Variants in CUL9 observed in about 807,000 individuals in gnomAD.
CUL9 encodes the protein cullin-9.
CUL9 carries 79 observed loss-of-function variants against 272.6 expected under a neutral mutation model. That is an observed-to-expected ratio of 0.29 (90% CI 0.24 to 0.35). CUL9 has a LOEUF of 0.35. Ranked by LOEUF, CUL9 falls within the 10% of genes least tolerant of loss-of-function variation. The pLI, the probability that CUL9 is intolerant of heterozygous loss-of-function variation, is 1.00. For missense variants in CUL9, 2,532 were observed against 3,255.6 expected (o/e 0.78, Z 5.41); for synonymous variants, 1,186 against 1,286.5 (o/e 0.92, Z 1.67).
rs765597340 is a variant in CUL9 at position 43,222,398 on chromosome 6, G to A, written c.6921+8G>A. ...TTCCATCACCAGGCGCGGGTGAGTC[G>A]GGAGGAAACAGCGGGTAGATGCCTG... On this transcript the variant is annotated splice_region_variant and intron_variant, in intron 36 of 40. Coordinates refer to ENST00000252050, the MANE Select transcript of CUL9 (RefSeq NM_015089.4). 5 of 1,613,588 alleles carry A rather than the reference G, an allele frequency of 3.1e-6. No individual in the cohort carries two copies. The highest frequency in any genetic ancestry group is 2.2e-5 in the East Asian group (1 of 44,870).
At chr6:43,222,461 G>GGGGGGGGGGGGGGGGGGGGGTGGC in intron 36 of CUL9, 70 bp from the exon 37 acceptor site, 1 of 1,343,772 alleles carries the variant, frequency 7.4e-7, no homozygotes, top group Non-Finnish European at 1.1e-6. Context: ...AGGGGGGTGG[G>GGGGGGGGGGGGGGGGGGGGGTGGC]CTGAAGGTCT....
In CUL9 at chr6:43,203,842, G is replaced by T. The variant is rs770015985; in HGVS notation, c.4026-12G>T. ...TGCCATTAATCCTCCGCCATGCACTGTTTGTTCCCAGACTGAACAGGGTTT... is the reference window on the plus strand; with the variant it reads ...TGCCATTAATCCTCCGCCATGCACTTTTTGTTCCCAGACTGAACAGGGTTT... On this transcript the variant is annotated splice_polypyrimidine_tract_variant and intron_variant, in intron 19 of 40. Coordinates refer to ENST00000252050, the MANE Select transcript of CUL9 (RefSeq NM_015089.4). This position sits in a 1 kb window ranked among gnomAD's most constrained non-coding sequence, Gnocchi z 5.0. 19 of 1,602,522 alleles carry T rather than the reference G, an allele frequency of 1.2e-5. No individual in the cohort carries two copies. The South Asian group carries it at 2.1e-4, about 18-fold the overall frequency.
rs780432976 is a variant in CUL9 at position 43,184,968 on chromosome 6, G to C, written c.595+63G>C. The C allele has an allele frequency of 2.0e-5, 26 of 1,280,162 alleles. No individual in the cohort carries two copies. Among genetic ancestry groups the C allele is most frequent in the Non-Finnish European group, 2.6e-5 (24 of 936,168 alleles). The allele number at this position is 1,280,162 out of a possible 1,614,324, so 79.3% of individuals were successfully genotyped here. On this transcript the variant is annotated intron_variant, in intron 2 of 40. Coordinates refer to ENST00000252050, the MANE Select transcript of CUL9 (RefSeq NM_015089.4). This position sits in a 1 kb window ranked among gnomAD's most constrained non-coding sequence, Gnocchi z 4.8. The stretch of plus-strand genomic sequence containing the variant: ...AAATGGGGCCACAGGGAATAAGAAA[G>C]AGGAGAGATTTCCTAGCTCTGTAAG...
At chr6:43,183,713 C>T (rs55712149) in intron 1 of CUL9, among the ~76,000 whole-genome samples, 41,059 of 148,568 alleles carry the variant, frequency 0.28, 7,780 homozygotes, top group African/African-American at 0.55. Context: ...TTTCTTCCTT[C>T]CTTCCTTCCT....
At chr6:43,192,598 C>A (rs964869095) in intron 8 of CUL9, among the ~76,000 whole-genome samples, 4 of 152,172 alleles carry the variant, frequency 2.6e-5, no homozygotes, top group Non-Finnish European at 5.9e-5. Flanking sequence ...ATCACGTAAA[C>A]CCAGGAGGCA....
At chr6:43,202,880 C>T in intron 17 of CUL9, 59 bp downstream of exon 17, 2 of 1,519,394 alleles carry the variant, frequency 1.3e-6, no homozygotes, top group Non-Finnish European at 1.8e-6. Flanking sequence ...GTCCCAGTGC[C>T]TGTGGGAAGG....
In CUL9 at chr6:43,191,252, T is replaced by TTGTGTGTGTGTGTGTGTG. The variant is rs58122260; in HGVS notation, c.2181-1726_2181-1709dup. Among the ~76,000 whole-genome samples the TTGTGTGTGTGTGTGTGTG allele has an allele frequency of 1.0e-4, 13 of 127,026 alleles. 1 individual carries two copies. The highest frequency in any genetic ancestry group is 4.2e-4 in the African/African-American group (13 of 31,318). The allele number at this position is 127,026 out of a possible 152,430, so 83.3% of individuals were successfully genotyped here. On this transcript the variant is annotated intron_variant, in intron 8 of 40. Transcript: ENST00000252050. The stretch of plus-strand genomic sequence containing the variant: ...GATAGCCAGGTGTCTCTAAATTGCA[T>TTGTGTGTGTGTGTGTGTG]TGTGTGTGTGTGTGTGTGTGTGTGT...
intron 31 of CUL9, 100 bp downstream of exon 31, chr6:43,216,603 A>G: frequency 9.2e-7 from 1 of 1,089,516 alleles, no homozygotes; most frequent in Non-Finnish European, 1.3e-6. Flanking sequence ...TGCCATTTTC[A>G]TCACCTGGGC....
intron 7 of CUL9, 120 bp downstream of exon 7, chr6:43,188,238 C>T: frequency 8.4e-7 from 1 of 1,189,816 alleles, no homozygotes; most frequent in Admixed American, 2.6e-5. Flanking sequence ...GGGGAAAATG[C>T]CTTGGAACCA....
Position 43,213,909 on chromosome 6 carries a change from T to A in CUL9, c.5685T>A (p.Cys1895Ter). The A allele has an allele frequency of 6.2e-7, 1 of 1,613,990 alleles. No individual in the cohort carries two copies. The highest frequency in any genetic ancestry group is 8.5e-7 in the Non-Finnish European group (1 of 1,180,020). Residue 1895 changes from cysteine (C) to a stop codon, truncating the protein, a stop_gained, in exon 29 of 41, where the codon TGT (cysteine) becomes TGA (stop). Coordinates refer to ENST00000252050, the MANE Select transcript of CUL9 (RefSeq NM_015089.4). LOFTEE classifies it high-confidence loss of function. This position sits in a 1 kb window ranked among gnomAD's most constrained non-coding sequence, Gnocchi z 5.7. The stretch of plus-strand genomic sequence containing the variant: ...GCCTCCACATTGATCAGCTGGTTTG[T>A]CTGGTAGGCAGAGAGGGGACCATGA... Reference protein sequence around the residue: ...EKGLHIDQLVCLVLEAWQKGP... With the variant: ...EKGLHIDQLV
At chr6:43,215,035 TC>T (rs1269200833) in intron 29 of CUL9, 43 bp from the exon 30 acceptor site, 4 of 1,545,520 alleles carry the variant, frequency 2.6e-6, no homozygotes, top group Non-Finnish European at 3.5e-6. Context: ...AGCAGCCTGC[TC>T]CCTACATAAA....
chr6:43,187,763 C>A lies in CUL9; in HGVS notation c.1632C>A (p.Ala544=). ...AGATCTCTGTGTCCGTGGAAATGGC[C>A]GAGAGTCTGCTGCAGGTTCTCAGTA... ...LGEISVSVEM[A]ESLLQVLSSR... The change falls in exon 7 of 41, where the codon GCC becomes GCA. Residue 544 remains alanine, a synonymous_variant. Transcript: ENST00000252050. 4.3e-6 allele frequency: 7 copies of A among 1,613,446 alleles called. No individual in the cohort carries two copies. Among genetic ancestry groups the A allele is most frequent in the Non-Finnish European group, 5.9e-6 (7 of 1,179,918 alleles).
In CUL9 at chr6:43,200,804, C is replaced by A; in HGVS notation, c.3617C>A (p.Thr1206Asn). The change falls in exon 16 of 41, where the codon ACC (threonine) becomes AAC (asparagine). Residue 1206 changes from threonine to asparagine, a missense_variant. Physicochemically the swap from Thr to Asn is moderately conservative, Grantham distance 65 (BLOSUM62 0). Transcript: ENST00000252050. The surrounding 1 kb of genome is among the most constrained non-coding windows in gnomAD (Gnocchi z 4.0). ...GGCAGCACCGGCTCCCACTACATCA[C>A]CCTGCACATGCACCGTGGTGTTCTT... ...SNGSTGSHYI[T>N]LHMHRGVLVR... The A allele has an allele frequency of 6.2e-7, 1 of 1,614,236 alleles. No homozygotes were observed. The highest frequency in any genetic ancestry group is 8.5e-7 in the Non-Finnish European group (1 of 1,180,042).
At position 43,218,432 on chromosome 6, in the gene CUL9, G is replaced by T. The variant is rs1015580708; in HGVS notation, c.6282+1929G>T. ...GGGGTTTCACTGTGTTAGCCAGGAT[G>T]GTCTCGATCTCCTGACCTCGTGATC... On this transcript the variant is annotated intron_variant, in intron 31 of 40. Transcript: ENST00000252050. This position sits in a 1 kb window ranked among gnomAD's most constrained non-coding sequence, Gnocchi z 4.4. Among the ~76,000 whole-genome samples, 5 of 151,312 alleles carry T rather than the reference G, an allele frequency of 3.3e-5. No homozygotes were observed. Among genetic ancestry groups the T allele is most frequent in the Non-Finnish European group, 7.4e-5 (5 of 67,858 alleles).
Position 43,220,410 on chromosome 6 carries a change from T to C in CUL9, c.6283-49T>C. On this transcript the variant is annotated intron_variant, in intron 31 of 40. Coordinates refer to ENST00000252050, the MANE Select transcript of CUL9 (RefSeq NM_015089.4). This position sits in a 1 kb window ranked among gnomAD's most constrained non-coding sequence, Gnocchi z 4.9. ...CTTAGTTACCAGGACACTCCCCCTGTGCTGCTCCCACACTGTCTGTGAGCA... is the reference window on the plus strand; with the variant it reads ...CTTAGTTACCAGGACACTCCCCCTGCGCTGCTCCCACACTGTCTGTGAGCA... 1 of 1,606,698 alleles carries C rather than the reference T, an allele frequency of 6.2e-7. No individual in the cohort carries two copies. Among genetic ancestry groups the C allele is most frequent in the Non-Finnish European group, 8.5e-7 (1 of 1,174,916 alleles).
In CUL9 at chr6:43,221,731, A is replaced by C; in HGVS notation, c.6799A>C (p.Lys2267Gln). 6.2e-7 allele frequency: 1 copy of C among 1,613,766 alleles called. No individual in the cohort carries two copies. The highest frequency in any genetic ancestry group is 8.5e-7 in the Non-Finnish European group (1 of 1,180,018). ...CCATGGATTCTGCTGGCGCTGCCTC[A>C]AGTCCTGGAAGCCAAATCACAAAGA... is the stretch of plus-strand genomic sequence containing the variant. ...CNHGFCWRCL[K>Q]SWKPNHKDYY... The change falls in exon 35 of 41, where the codon AAG becomes CAG. Residue 2267 changes from lysine to glutamine, a missense_variant. This residue lies in a region of CUL9 where 77 missense variants were observed against 161.1 expected (regional missense o/e 0.48). Transcript: ENST00000252050. The surrounding 1 kb of genome is among the most constrained non-coding windows in gnomAD (Gnocchi z 4.2).
chr6:43,223,783 T>G lies in CUL9; in HGVS notation c.7285-312T>G, dbSNP rs1466946725. 1 of 514,394 alleles carries G rather than the reference T, an allele frequency of 1.9e-6. No individual in the cohort carries two copies. The highest frequency in any genetic ancestry group is 3.2e-5 in the Admixed American group (1 of 31,508). The allele number at this position is 514,394 out of a possible 1,614,324, so 31.9% of individuals were successfully genotyped here. On this transcript the variant is annotated intron_variant, in intron 39 of 40. Coordinates refer to ENST00000252050, the MANE Select transcript of CUL9 (RefSeq NM_015089.4). The surrounding 1 kb of genome is among the most constrained non-coding windows in gnomAD (Gnocchi z 4.1). ...TCTCCCAGGCTCTCTCCAGCTCTAATGCACTGATGCTGAGTCTAAACTGTG... is the reference window on the plus strand; with the variant it reads ...TCTCCCAGGCTCTCTCCAGCTCTAAGGCACTGATGCTGAGTCTAAACTGTG...
rs759972390 is a variant in CUL9 at position 43,206,443 on chromosome 6, T to C, written c.5145T>C (p.His1715=). 1 of 1,614,168 alleles carries C rather than the reference T, an allele frequency of 6.2e-7. No homozygotes were observed. The highest frequency in any genetic ancestry group is 8.5e-7 in the Non-Finnish European group (1 of 1,180,028). Residue 1715 remains histidine (H), a synonymous_variant, in exon 26 of 41, where the codon CAT becomes CAC. Coordinates refer to ENST00000252050, the MANE Select transcript of CUL9 (RefSeq NM_015089.4). This position sits in a 1 kb window ranked among gnomAD's most constrained non-coding sequence, Gnocchi z 4.8. ...WPVSPLCYLY[H]PRKCLPTEFC... is the part of the protein sequence containing the mutation. Reference sequence around the variant, plus strand: ...TCTCCCCACTCTGCTACCTGTACCATCCCAGAAAGTGCCTTCCCACAGAAT... The same window carrying C: ...TCTCCCCACTCTGCTACCTGTACCACCCCAGAAAGTGCCTTCCCACAGAAT...
chr6:43,183,894 G>A lies in CUL9; in HGVS notation c.-9-408G>A, dbSNP rs541068927. On this transcript the variant is annotated intron_variant, in intron 1 of 40. Transcript: ENST00000252050. ...CAGCCTCCTGAGTAGCTGGGACTACGGGCATGTGCCACCACACCTGGCTAA... is the reference window on the plus strand; with the variant it reads ...CAGCCTCCTGAGTAGCTGGGACTACAGGCATGTGCCACCACACCTGGCTAA... Among the ~76,000 whole-genome samples the A allele has an allele frequency of 1.4e-4, 21 of 151,940 alleles. No individual in the cohort carries two copies. The East Asian group carries it at 3.7e-3, about 27-fold the overall frequency.
Sources: allele counts gnomAD v4.1 joint callset (sites outside exome capture counted in the v4.1 genomes callset), GRCh38; gene constraint gnomAD v4.1.1; regional missense constraint gnomAD v4.1.1; non-coding constraint Gnocchi (gnomAD v3.1); transcripts MANE v1.5; gene names NCBI Gene and HGNC (gene_info 2026-07-23, HGNC 2026-07-21).